CCDC178: variants seen among roughly 807,000 people sequenced by gnomAD.
CCDC178 encodes the protein coiled-coil domain-containing protein 178.
A neutral mutation model predicts 117.4 loss-of-function variants in CCDC178; 126 were observed. That is an observed-to-expected ratio of 1.07 (90% confidence interval 0.93 to 1.24). The LOEUF (loss-of-function observed/expected upper bound fraction) is 1.24. Among genes scored for constraint, CCDC178 ranks in the 50% most tolerant of loss-of-function variants. CCDC178 has a pLI of 0.00. For synonymous variants in CCDC178, 283 were observed against 313.4 expected (o/e 0.90, Z 1.02); for missense variants, 1,030 against 986.9 (o/e 1.04, Z -0.59).
intron 11 of CCDC178, among the ~76,000 whole-genome samples, chr18:33,305,334 A>T (rs2062234012): frequency 6.6e-6 from 1 of 152,174 alleles, no homozygotes; most frequent in Non-Finnish European, 1.5e-5. Context: ...GCAAAGGGTT[A>T]TATAGCTGTA....
intron 20 of CCDC178, among the ~76,000 whole-genome samples, chr18:33,170,132 C>A (rs1180568982): frequency 1.3e-5 from 2 of 151,806 alleles, no homozygotes; most frequent in African/African-American, 4.8e-5. Context: ...GTAAGAAAAG[C>A]CATGTAATGT....
intron 3 of CCDC178, 139 bp downstream of exon 3, chr18:33,411,892 T>G: frequency 2.1e-6 from 1 of 480,356 alleles, no homozygotes; most frequent in Middle Eastern, 3.5e-4. Context: ...CTCACTTTAC[T>G]GGTCCCAGTA....
At chr18:33,235,902 G>C (rs943924598) in intron 15 of CCDC178, among the ~76,000 whole-genome samples, 1 of 152,134 alleles carries the variant, frequency 6.6e-6, no homozygotes, top group East Asian at 1.9e-4. Context: ...TCTGACACTT[G>C]GCCAAACACC....
intron 21 of CCDC178, among the ~76,000 whole-genome samples, chr18:33,050,148 T>C (rs1438177965): frequency 6.6e-6 from 1 of 152,146 alleles, no homozygotes; most frequent in Non-Finnish European, 1.5e-5. Flanking sequence ...ATTTGTTTAA[T>C]TTGTACTTTA....
intron 6 of CCDC178, among the ~76,000 whole-genome samples, chr18:33,361,016 A>G (rs1316569083): frequency 6.6e-6 from 1 of 151,646 alleles, no homozygotes; most frequent in East Asian, 1.9e-4. Flanking sequence ...GAGCCATAAA[A>G]AAACACCAAA....
At chr18:33,373,231 A>C (rs949567661) in intron 5 of CCDC178, among the ~76,000 whole-genome samples, 1 of 152,194 alleles carries the variant, frequency 6.6e-6, no homozygotes, top group Non-Finnish European at 1.5e-5. Context: ...CTAAATATCT[A>C]GAATAATACA....
chr18:33,389,229 A>C (rs1263913420), intron 5 of CCDC178, among the ~76,000 whole-genome samples: 1 of 152,136 alleles, frequency 6.6e-6, no homozygotes, highest in Non-Finnish European at 1.5e-5. Context: ...TCTAAGAAAC[A>C]TGTCCTCAAT....
At chr18:33,421,051 G>A (rs914135156) in intron 2 of CCDC178, among the ~76,000 whole-genome samples, 6 of 152,174 alleles carry the variant, frequency 3.9e-5, no homozygotes, top group Admixed American at 3.9e-4. Context: ...TTTTAGACAG[G>A]TTCTTCTGAG....
chr18:33,232,570 G>T (rs1409161593), intron 15 of CCDC178, among the ~76,000 whole-genome samples: 1 of 152,172 alleles, frequency 6.6e-6, no homozygotes, highest in East Asian at 1.9e-4. Flanking sequence ...GGCTATGGTT[G>T]TGCATTATTA....
chr18:33,413,370 G>C (rs1373934047), intron 2 of CCDC178, among the ~76,000 whole-genome samples: 1 of 152,008 alleles, frequency 6.6e-6, no homozygotes, highest in Non-Finnish European at 1.5e-5. Flanking sequence ...AATGTTGAGA[G>C]AACATAACAG....
At chr18:33,136,786 C>T (rs1457071724) in intron 20 of CCDC178, among the ~76,000 whole-genome samples, 1 of 152,126 alleles carries the variant, frequency 6.6e-6, no homozygotes, top group Non-Finnish European at 1.5e-5. Context: ...TATTGAAGAA[C>T]ATTTTTCACT....
chr18:33,106,489 G>A (rs181611907), intron 20 of CCDC178, among the ~76,000 whole-genome samples: 25 of 151,746 alleles, frequency 1.6e-4, no homozygotes, highest in Middle Eastern at 3.4e-3. Flanking sequence ...TGAACATTCC[G>A]AAATTGACAG....
chr18:32,959,445 T>C (rs1163886839), intron 22 of CCDC178, among the ~76,000 whole-genome samples: 1 of 152,164 alleles, frequency 6.6e-6, no homozygotes, highest in East Asian at 1.9e-4. Context: ...TTTAACTCTA[T>C]AACATGCCAT....
At chr18:32,986,426 C>T (rs1361767547) in intron 21 of CCDC178, among the ~76,000 whole-genome samples, 2 of 151,986 alleles carry the variant, frequency 1.3e-5, no homozygotes, top group African/African-American at 4.8e-5. Flanking sequence ...TAAACTGGGA[C>T]ACAAGTTTTA....
At chr18:33,179,131 CT>C (rs1158417279) in intron 20 of CCDC178, among the ~76,000 whole-genome samples, 2 of 54,690 alleles carry the variant, frequency 3.7e-5, no homozygotes, top group Admixed American at 2.5e-4. Flanking sequence ...TATATATAAA[CT>C]ATATATATAT....
chr18:33,015,116 T>G (rs2055954062), intron 21 of CCDC178, among the ~76,000 whole-genome samples: 1 of 149,520 alleles, frequency 6.7e-6, no homozygotes, highest in South Asian at 2.1e-4. Flanking sequence ...ATTAGCCGGG[T>G]GTAGTGGTGG....
intron 18 of CCDC178, among the ~76,000 whole-genome samples, chr18:33,216,456 A>G (rs1034596681): frequency 3.3e-5 from 5 of 152,012 alleles, no homozygotes; most frequent in Admixed American, 6.6e-5. Flanking sequence ...GTTCAAATGG[A>G]ACTGAGTGAC....
At chr18:33,168,217 G>C (rs543836942) in intron 20 of CCDC178, among the ~76,000 whole-genome samples, 2 of 152,138 alleles carry the variant, frequency 1.3e-5, no homozygotes, top group Admixed American at 1.3e-4. Context: ...ATAGTTTTTG[G>C]TTTTAGATTT....
Position 33,245,430 on chromosome 18 carries a change from TGTAAAA to T in CCDC178, c.1410-8_1410-3del. 1 of 1,525,150 alleles carries T rather than the reference TGTAAAA, an allele frequency of 6.6e-7. No homozygotes were observed. The highest frequency in any genetic ancestry group is 8.8e-7 in the Non-Finnish European group (1 of 1,136,884). 94.5% of individuals were successfully genotyped at this position (1,525,150 alleles called of 1,614,324 possible). A position where few individuals can be genotyped will look rare whatever the true frequency, so the allele number is the denominator to read the frequency against. ...TCGTATTTTGATTTTTTCCGTATGC[TGTAAAA>T]GTAAAGCAAAAATTAATATTATTGA... On this transcript the variant is annotated splice_polypyrimidine_tract_variant and splice_region_variant and intron_variant, in intron 14 of 22. Transcript: ENST00000383096.
Sources: allele counts gnomAD v4.1 joint callset (sites outside exome capture counted in the v4.1 genomes callset), GRCh38; gene constraint gnomAD v4.1.1; transcripts MANE v1.5; gene names NCBI Gene and HGNC (gene_info 2026-07-23, HGNC 2026-07-21).